PPP2R5E: variants seen among roughly 807,000 people sequenced by gnomAD.
The protein encoded by PPP2R5E is serine/threonine-protein phosphatase 2A 56 kDa regulatory subunit epsilon isoform.
In PPP2R5E, 4 loss-of-function variants were observed where a neutral mutation model predicts 65.3. The ratio of observed to expected loss-of-function variants is 0.06; its 90% CI spans 0.03 to 0.14. PPP2R5E has a LOEUF of 0.14. Among genes scored for constraint, PPP2R5E ranks in the 10% least tolerant of loss-of-function variants. The probability of loss-of-function intolerance (pLI) is 1.00; values close to 1 mark genes in which losing one functional copy is unlikely to be tolerated. For missense variants in PPP2R5E, 274 were observed against 556.1 expected (o/e 0.49, Z 5.10); for synonymous variants, 183 against 187.4 (o/e 0.98, Z 0.19).
chr14:63,389,731 C>T lies in PPP2R5E; in HGVS notation c.955G>A (p.Val319Ile). The T allele has an allele frequency of 1.9e-6, 3 of 1,595,704 alleles. No homozygotes were observed. Among genetic ancestry groups the T allele is most frequent in the Non-Finnish European group, 2.6e-6 (3 of 1,172,842 alleles). Residue 319 changes from valine to isoleucine, a missense_variant and splice_region_variant, in exon 11 of 14, where the codon GTC (valine) becomes ATC (isoleucine). Val to Ile is a conservative substitution (Grantham distance 29). Coordinates refer to ENST00000337537, the MANE Select transcript of PPP2R5E (RefSeq NM_006246.5). ...FWPKTCSQKE[V>I]MFLGELEEIL... ...TCTTCCAGTTCCCCAAGGAACATGA[C>T]CTGTAAGTACAAGCAAAATACAAGA...
intron 2 of PPP2R5E, among the ~76,000 whole-genome samples, chr14:63,466,801 A>G (rs1475040): frequency 0.29 from 44,122 of 150,558 alleles, 7,797 homozygotes; most frequent in African/African-American, 0.51. Context: ...ATGTGTATGT[A>G]TGTATGTGTG....
chr14:63,431,898 T>C (rs986962652), intron 3 of PPP2R5E, among the ~76,000 whole-genome samples: 6 of 152,104 alleles, frequency 3.9e-5, no homozygotes, highest in Non-Finnish European at 7.4e-5. Context: ...TTGTTACACA[T>C]TTAATGTCAT....
At chr14:63,498,550 T>C (rs1467374166) in intron 2 of PPP2R5E, among the ~76,000 whole-genome samples, 2 of 151,492 alleles carry the variant, frequency 1.3e-5, no homozygotes, top group Non-Finnish European at 2.9e-5. Context: ...ATTCAGGAAG[T>C]ACTTTTAAGT....
chr14:63,481,495 C>CA (rs59764365), intron 2 of PPP2R5E, among the ~76,000 whole-genome samples: 1,038 of 90,194 alleles, frequency 0.012, 7 homozygotes, highest in Non-Finnish European at 0.021. Context: ...GACTCCATCT[C>CA]AAAAAAAAAA....
intron 3 of PPP2R5E, among the ~76,000 whole-genome samples, chr14:63,425,000 C>G (rs987874241): frequency 6.6e-6 from 1 of 152,098 alleles, no homozygotes; most frequent in East Asian, 1.9e-4. Flanking sequence ...TACACTATTA[C>G]GATCCCTGAT....
At chr14:63,397,191 A>C (rs932322872) in intron 5 of PPP2R5E, among the ~76,000 whole-genome samples, 5 of 152,196 alleles carry the variant, frequency 3.3e-5, no homozygotes, top group Admixed American at 2.0e-4. Flanking sequence ...CTACCTACTG[A>C]TATTCCAAAT....
At chr14:63,379,270 C>T (rs61994994) in intron 13 of PPP2R5E, among the ~76,000 whole-genome samples, 8,820 of 152,050 alleles carry the variant, frequency 0.058, 378 homozygotes, top group East Asian at 0.22. Flanking sequence ...CCTCGTGATC[C>T]GCCCGCCTCG....
At chr14:63,506,049 G>C (rs949641790) in intron 2 of PPP2R5E, among the ~76,000 whole-genome samples, 3 of 151,976 alleles carry the variant, frequency 2.0e-5, no homozygotes, top group Non-Finnish European at 4.4e-5. Flanking sequence ...ATGCTTCAAA[G>C]GGCACCATCA....
chr14:63,451,156 A>T (rs77302284), intron 3 of PPP2R5E: 14 of 151,792 alleles, frequency 9.2e-5, no homozygotes, highest in East Asian at 5.8e-4. Flanking sequence ...AATGCAAATT[A>T]AAAAAAAACT....
intron 2 of PPP2R5E, among the ~76,000 whole-genome samples, chr14:63,495,716 G>A (rs922113272): frequency 9.9e-5 from 15 of 151,288 alleles, no homozygotes; most frequent in African/African-American, 3.6e-4. Context: ...TTCAAGAGAG[G>A]ATCTCTCTCT....
chr14:63,455,777 C>T (rs912069482), intron 2 of PPP2R5E, among the ~76,000 whole-genome samples: 2 of 152,138 alleles, frequency 1.3e-5, no homozygotes, highest in African/African-American at 4.8e-5. Context: ...AAATCAGACC[C>T]CAGACCTAGC....
At chr14:63,421,776 G>C (rs1181700302) in intron 4 of PPP2R5E, among the ~76,000 whole-genome samples, 1 of 152,208 alleles carries the variant, frequency 6.6e-6, no homozygotes, top group African/African-American at 2.4e-5. Context: ...TACCTGCAAC[G>C]TGGGGTTGGG....
chr14:63,457,254 T>A (rs578010371), intron 2 of PPP2R5E, among the ~76,000 whole-genome samples: 1 of 152,318 alleles, frequency 6.6e-6, no homozygotes, highest in South Asian at 2.1e-4. Flanking sequence ...GTCCAGAAGG[T>A]TTCCACTATA....
intron 2 of PPP2R5E, among the ~76,000 whole-genome samples, chr14:63,490,967 GA>G (rs1190884447): frequency 6.6e-6 from 1 of 151,608 alleles, no homozygotes; most frequent in Non-Finnish European, 1.5e-5. Flanking sequence ...TTCACAATAG[GA>G]AAGATATGGA....
chr14:63,497,634 G>C (rs151112533), intron 2 of PPP2R5E, among the ~76,000 whole-genome samples: 373 of 152,204 alleles, frequency 2.5e-3, no homozygotes, highest in African/African-American at 8.6e-3. Flanking sequence ...TGTAATCCCA[G>C]CTATTCAGGA....
chr14:63,539,676 C>T lies in PPP2R5E; in HGVS notation c.10G>A (p.Ala4Thr). 1 of 1,613,582 alleles carries T rather than the reference C, an allele frequency of 6.2e-7. No individual in the cohort carries two copies. The highest frequency in any genetic ancestry group is 8.5e-7 in the Non-Finnish European group (1 of 1,179,680). ...TCCACTGATGGAGGAGTAGTTGGTGCTGAGGACATATCCCTACTGAAGAGA... is the reference window on the plus strand; with the variant it reads ...TCCACTGATGGAGGAGTAGTTGGTGTTGAGGACATATCCCTACTGAAGAGA... MSS[A>T]PTTPPSVDKV... is the part of the protein sequence containing the mutation. The change falls in exon 2 of 14, where the codon GCA becomes ACA. Residue 4 changes from alanine (A) to threonine (T), a missense_variant. Ala to Thr is a moderately conservative substitution (Grantham distance 58). Around this residue, in one of 6 missense-constraint regions of PPP2R5E, gnomAD observed 58 missense variants for 64.8 expected, o/e 0.90. Transcript: ENST00000337537.
intron 3 of PPP2R5E, among the ~76,000 whole-genome samples, chr14:63,440,556 G>T (rs923938467): frequency 2.2e-4 from 33 of 152,110 alleles, no homozygotes; most frequent in Admixed American, 1.2e-3. Flanking sequence ...ACATAGCACA[G>T]AGGCAAGACT....
intron 4 of PPP2R5E, among the ~76,000 whole-genome samples, chr14:63,416,870 C>G (rs766379130): frequency 3.3e-5 from 5 of 152,026 alleles, no homozygotes; most frequent in Non-Finnish European, 5.9e-5. Context: ...TTTAAGTATA[C>G]AAAGAAAATC....
intron 2 of PPP2R5E, among the ~76,000 whole-genome samples, chr14:63,506,219 G>A (rs748238290): frequency 4.6e-5 from 7 of 152,128 alleles, no homozygotes; most frequent in South Asian, 2.1e-4. Flanking sequence ...GGGAGGCCGC[G>A]GCGGGTGGAT....
Sources: allele counts gnomAD v4.1 joint callset (sites outside exome capture counted in the v4.1 genomes callset), GRCh38; gene constraint gnomAD v4.1.1; regional missense constraint gnomAD v4.1.1; transcripts MANE v1.5; gene names NCBI Gene and HGNC (gene_info 2026-07-23, HGNC 2026-07-21).